Variants in GALNT18 observed in about 807,000 individuals in gnomAD.
GALNT18 encodes the protein GalNAc-transferase 18.
A neutral mutation model predicts 69.5 loss-of-function variants in GALNT18; 44 were observed. The observed-to-expected ratio is 0.63, with a 90% confidence interval of 0.50 to 0.81. The LOEUF (loss-of-function observed/expected upper bound fraction) is 0.81, where lower values mean the gene tolerates loss of function less well. Among genes scored for constraint, GALNT18 ranks in the 40% least tolerant of loss-of-function variants. The probability of loss-of-function intolerance (pLI) is 0.00; values close to 1 mark genes in which losing one functional copy is unlikely to be tolerated. For missense variants in GALNT18, 715 were observed against 810.0 expected (o/e 0.88, Z 1.42); for synonymous variants, 364 against 318.2 (o/e 1.14, Z -1.53).
At chr11:11,369,490 G>A (rs1168712369) in intron 6 of GALNT18, among the ~76,000 whole-genome samples, 1 of 151,940 alleles carries the variant, frequency 6.6e-6, no homozygotes. Flanking sequence ...TTGGATTAGG[G>A]CCCACCCTAA....
At chr11:11,565,400 T>C (rs558767645) in intron 1 of GALNT18, among the ~76,000 whole-genome samples, 24 of 152,356 alleles carry the variant, frequency 1.6e-4, no homozygotes, top group African/African-American at 5.8e-4. Context: ...GGTTCTGGTA[T>C]GCCTGTGGCT....
rs568388034 is a variant in GALNT18, at chr11:11,300,954, T to A, written c.1513-7761A>T. ...TGAAATGTTGGCGCAACACACACCCTTCTGGATTCTAGCTTAAAAGCAATG... is the reference window on the plus strand; with the variant it reads ...TGAAATGTTGGCGCAACACACACCCATCTGGATTCTAGCTTAAAAGCAATG... On this transcript the variant is annotated intron_variant, in intron 9 of 10. Coordinates refer to ENST00000227756, the MANE Select transcript of GALNT18 (RefSeq NM_198516.3). Among the ~76,000 whole-genome samples, 3 of 152,326 alleles carry A rather than the reference T, an allele frequency of 2.0e-5. No individual in the cohort carries two copies. In the South Asian group the frequency reaches 6.2e-4, roughly 32 times the overall value.
chr11:11,329,163 G>A (rs1027806537), intron 8 of GALNT18, among the ~76,000 whole-genome samples: 1 of 152,130 alleles, frequency 6.6e-6, no homozygotes, highest in African/African-American at 2.4e-5. Flanking sequence ...GCTGTTATGA[G>A]GATTAAGTGA....
At chr11:11,484,525 G>A (rs532466413) in intron 1 of GALNT18, among the ~76,000 whole-genome samples, 40 of 150,376 alleles carry the variant, frequency 2.7e-4, no homozygotes, top group African/African-American at 8.6e-4. Flanking sequence ...CCCAGGAGGC[G>A]GAGGTTGTGG....
At chr11:11,503,352 C>T (rs150306676) in intron 1 of GALNT18, among the ~76,000 whole-genome samples, 97 of 152,308 alleles carry the variant, frequency 6.4e-4, no homozygotes, top group African/African-American at 2.0e-3. Context: ...CTAGAAATGA[C>T]GATCTGAAGG....
intron 2 of GALNT18, among the ~76,000 whole-genome samples, chr11:11,448,323 A>T (rs573726408): frequency 6.6e-5 from 10 of 152,348 alleles, no homozygotes; most frequent in South Asian, 4.1e-4. Context: ...TCTGTAACAA[A>T]GAGAGAAGTC....
intron 3 of GALNT18, among the ~76,000 whole-genome samples, chr11:11,393,419 T>TGTTG (rs1173431666): frequency 2.0e-5 from 3 of 150,846 alleles, no homozygotes; most frequent in African/African-American, 7.5e-5. Context: ...TGTATTTTTC[T>TGTTG]GTTTGTTTGT....
At chr11:11,460,515 A>G (rs915982290) in intron 1 of GALNT18, among the ~76,000 whole-genome samples, 3 of 152,214 alleles carry the variant, frequency 2.0e-5, no homozygotes, top group African/African-American at 7.2e-5. Context: ...TGAGGGCTGC[A>G]GGTGGCCATG....
At chr11:11,483,832 C>T (rs1274067833) in intron 1 of GALNT18, among the ~76,000 whole-genome samples, 2 of 152,110 alleles carry the variant, frequency 1.3e-5, no homozygotes, top group African/African-American at 4.8e-5. Context: ...AAATAATGAG[C>T]TCAATATCCG....
intron 3 of GALNT18, among the ~76,000 whole-genome samples, chr11:11,420,611 C>T (rs887486392): frequency 7.2e-5 from 11 of 152,236 alleles, no homozygotes; most frequent in Admixed American, 6.5e-4. Context: ...AAGGAGGACC[C>T]TGGCATACAA....
intron 1 of GALNT18, among the ~76,000 whole-genome samples, chr11:11,481,943 A>G (rs1328259175): frequency 1.3e-5 from 2 of 152,228 alleles, no homozygotes; most frequent in Non-Finnish European, 2.9e-5. Flanking sequence ...ATTTCTTTGA[A>G]TTACCTACCC....
At chr11:11,294,039 C>A (rs529426878) in intron 9 of GALNT18, among the ~76,000 whole-genome samples, 136 of 152,300 alleles carry the variant, frequency 8.9e-4, no homozygotes, top group Middle Eastern at 3.4e-3. Flanking sequence ...CCCAAGACCA[C>A]CCTCAGCTAA....
At position 11,496,180 on chromosome 11, in the gene GALNT18, T is replaced by C. The variant is rs1271725633; in HGVS notation, c.236-47244A>G. ...TGGAGAAAGCGTCTCTTGCAAACAC[T>C]TCTCCACTAACTTAAAGGGCTGGTT... On this transcript the variant is annotated intron_variant, in intron 1 of 10. Transcript: ENST00000227756. The surrounding 1 kb of genome is among the most constrained non-coding windows in gnomAD (Gnocchi z 4.0). Among the ~76,000 whole-genome samples the C allele has an allele frequency of 4.6e-5, 7 of 152,248 alleles. No homozygotes were observed. Among genetic ancestry groups the C allele is most frequent in the Non-Finnish European group, 1.0e-4 (7 of 68,044 alleles).
At chr11:11,575,380 A>G (rs149838630) in intron 1 of GALNT18, among the ~76,000 whole-genome samples, 1,999 of 152,274 alleles carry the variant, frequency 0.013, 20 homozygotes, top group Non-Finnish European at 0.021. Context: ...AAACAGCTGT[A>G]GGCCCACTAA....
At chr11:11,292,531 A>G (rs1038613595) in intron 10 of GALNT18, among the ~76,000 whole-genome samples, 1 of 152,186 alleles carries the variant, frequency 6.6e-6, no homozygotes, top group East Asian at 1.9e-4. Context: ...GAGTGACCCA[A>G]TACTGCGTGG....
At chr11:11,477,466 C>T (rs1040539927) in intron 1 of GALNT18, among the ~76,000 whole-genome samples, 2 of 152,206 alleles carry the variant, frequency 1.3e-5, no homozygotes, top group African/African-American at 4.8e-5. Flanking sequence ...CACAAGGCCA[C>T]TTCAAGACAG....
At chr11:11,354,118 G>T (rs1589931664) in intron 6 of GALNT18, among the ~76,000 whole-genome samples, 1 of 152,178 alleles carries the variant, frequency 6.6e-6, no homozygotes, top group Middle Eastern at 3.2e-3. Flanking sequence ...TTCTCTTAAA[G>T]GATTTGCTCT....
rs1850126077 is a variant in GALNT18, at chr11:11,337,047, T to A, written c.1278+3772A>T. Among the ~76,000 whole-genome samples the A allele has an allele frequency of 6.6e-6, 1 of 152,110 alleles. No individual in the cohort carries two copies. Among genetic ancestry groups the A allele is most frequent in the Admixed American group, 6.6e-5 (1 of 15,266 alleles). On this transcript the variant is annotated intron_variant, in intron 7 of 10. Transcript: ENST00000227756. The surrounding 1 kb of genome is among the most constrained non-coding windows in gnomAD (Gnocchi z 4.9). Reference sequence around the variant, plus strand: ...GAAAAAATGAGAAGGACTAGCTAAATGGGTGTTACACAAACCTGGCCACCC... The same window carrying A: ...GAAAAAATGAGAAGGACTAGCTAAAAGGGTGTTACACAAACCTGGCCACCC...
chr11:11,311,147 G>T (rs746550987), intron 9 of GALNT18, among the ~76,000 whole-genome samples: 2 of 152,100 alleles, frequency 1.3e-5, no homozygotes, highest in Non-Finnish European at 2.9e-5. Flanking sequence ...ACAGTCCCAC[G>T]CAGTAAAGAA....
Sources: allele counts gnomAD v4.1 joint callset (sites outside exome capture counted in the v4.1 genomes callset), GRCh38; gene constraint gnomAD v4.1.1; non-coding constraint Gnocchi (gnomAD v3.1); transcripts MANE v1.5; gene names NCBI Gene and HGNC (gene_info 2026-07-23, HGNC 2026-07-21).